The following SLC25A21 variants were observed in gnomAD, a reference collection of about 807,000 sequenced individuals.
SLC25A21 encodes the protein mitochondrial 2-oxodicarboxylate carrier.
In SLC25A21, 47 loss-of-function variants were observed where a neutral mutation model predicts 43.8. The observed-to-expected ratio is 1.07, with a 90% CI of 0.85 to 1.37. SLC25A21 has a LOEUF of 1.37. SLC25A21 is among the 40% of genes most tolerant of loss of function. The probability of loss-of-function intolerance (pLI) is 0.00; values close to 1 mark genes in which losing one functional copy is unlikely to be tolerated. For synonymous variants in SLC25A21, 131 were observed against 121.3 expected (o/e 1.08, Z -0.52); for missense variants, 352 against 350.2 (o/e 1.00, Z -0.04).
At chr14:36,690,572 G>A (rs1882754956) in intron 7 of SLC25A21, among the ~76,000 whole-genome samples, 2 of 152,204 alleles carry the variant, frequency 1.3e-5, no homozygotes, top group African/African-American at 4.8e-5. Context: ...TTTATTGGGT[G>A]TCTTTATATG....
At chr14:37,028,187 A>G (rs1961134346) in intron 1 of SLC25A21, among the ~76,000 whole-genome samples, 1 of 152,188 alleles carries the variant, frequency 6.6e-6, no homozygotes, top group Admixed American at 6.5e-5. Flanking sequence ...GCCCCAAAGA[A>G]GCCTATACTT....
At chr14:37,079,677 C>A (rs144234253) in intron 1 of SLC25A21, among the ~76,000 whole-genome samples, 131 of 152,310 alleles carry the variant, frequency 8.6e-4, no homozygotes, top group Non-Finnish European at 1.5e-3. Context: ...GTGCCTCCTG[C>A]TCAGACCAAA....
chr14:36,971,465 G>T (rs1203875194), intron 1 of SLC25A21, among the ~76,000 whole-genome samples: 5 of 152,106 alleles, frequency 3.3e-5, no homozygotes. Context: ...TGCATAATAA[G>T]ATTAGGGTGG....
At chr14:36,850,796 C>T (rs1006542303) in intron 2 of SLC25A21, among the ~76,000 whole-genome samples, 2 of 152,174 alleles carry the variant, frequency 1.3e-5, no homozygotes, top group Non-Finnish European at 2.9e-5. Flanking sequence ...AGGGATTCAG[C>T]ATCTATTTAA....
At chr14:37,096,634 C>G (rs945847563) in intron 1 of SLC25A21, among the ~76,000 whole-genome samples, 5 of 151,770 alleles carry the variant, frequency 3.3e-5, no homozygotes, top group Non-Finnish European at 5.9e-5. Flanking sequence ...TCTGCTTGAT[C>G]AGTTCTGTTT....
At chr14:37,165,979 T>C (rs1186794654) in intron 1 of SLC25A21, among the ~76,000 whole-genome samples, 2 of 152,178 alleles carry the variant, frequency 1.3e-5, no homozygotes, top group South Asian at 2.1e-4. Context: ...TGATGTCATA[T>C]GCAGGGGCTG....
intron 1 of SLC25A21, among the ~76,000 whole-genome samples, chr14:37,001,280 C>G (rs1290091954): frequency 6.6e-6 from 1 of 152,166 alleles, no homozygotes; most frequent in Non-Finnish European, 1.5e-5. Flanking sequence ...TAGCACTTGT[C>G]AAGTGCTTAT....
intron 3 of SLC25A21, among the ~76,000 whole-genome samples, chr14:36,737,701 G>A (rs771902188): frequency 5.3e-5 from 8 of 152,068 alleles, no homozygotes; most frequent in Non-Finnish European, 8.8e-5. Context: ...TATGATACAG[G>A]GTCAGTCTTG....
chr14:36,929,681 T>C (rs1892235060), intron 1 of SLC25A21, among the ~76,000 whole-genome samples: 1 of 152,076 alleles, frequency 6.6e-6, no homozygotes, highest in South Asian at 2.1e-4. Context: ...AAATAAAAAG[T>C]GGTCCTATAA....
intron 7 of SLC25A21, among the ~76,000 whole-genome samples, chr14:36,699,057 T>C (rs946902880): frequency 2.6e-5 from 4 of 152,180 alleles, no homozygotes; most frequent in Non-Finnish European, 5.9e-5. Context: ...TCTTTGTGGT[T>C]TTATCTGCTT....
intron 2 of SLC25A21, among the ~76,000 whole-genome samples, chr14:36,825,965 A>G (rs1299780183): frequency 6.6e-6 from 1 of 152,188 alleles, no homozygotes; most frequent in Non-Finnish European, 1.5e-5. Flanking sequence ...GTCACTCCCA[A>G]GTAATACCTT....
intron 2 of SLC25A21, among the ~76,000 whole-genome samples, chr14:36,850,433 T>G (rs17105506): frequency 0.054 from 8,201 of 152,038 alleles, 252 homozygotes; most frequent in African/African-American, 0.094. Context: ...AAGCTAAAAT[T>G]TTTTTTTATA....
chr14:37,109,815 G>C (rs1380390512), intron 1 of SLC25A21, among the ~76,000 whole-genome samples: 1 of 151,884 alleles, frequency 6.6e-6, no homozygotes, highest in Non-Finnish European at 1.5e-5. Flanking sequence ...GCCATACATT[G>C]ACCAATTCTT....
chr14:36,789,923 T>A (rs11851701), intron 3 of SLC25A21, among the ~76,000 whole-genome samples: 1 of 125,042 alleles, frequency 8.0e-6, no homozygotes, highest in Non-Finnish European at 1.6e-5. Flanking sequence ...TATTATATAT[T>A]TATATATTAT....
intron 1 of SLC25A21, among the ~76,000 whole-genome samples, chr14:37,061,348 G>A (rs1961944558): frequency 6.6e-6 from 1 of 152,128 alleles, no homozygotes; most frequent in Non-Finnish European, 1.5e-5. Context: ...CCTCTTTCTT[G>A]TAGACCACCC....
chr14:36,924,993 A>G (rs918987999), intron 1 of SLC25A21, among the ~76,000 whole-genome samples: 3 of 152,192 alleles, frequency 2.0e-5, no homozygotes, highest in African/African-American at 2.4e-5. Flanking sequence ...AGATTCTTAC[A>G]TAATATGGAA....
At chr14:36,752,199 ATTAGGACAG>A (rs1458706142) in intron 3 of SLC25A21, among the ~76,000 whole-genome samples, 1 of 152,220 alleles carries the variant, frequency 6.6e-6, no homozygotes, top group Non-Finnish European at 1.5e-5. Flanking sequence ...TTTTACCACT[ATTAGGACAG>A]TTATTACAAA....
intron 1 of SLC25A21, among the ~76,000 whole-genome samples, chr14:37,092,240 G>C (rs1258905874): frequency 6.6e-6 from 1 of 152,104 alleles, no homozygotes; most frequent in Admixed American, 6.5e-5. Flanking sequence ...AAGCCAAAAA[G>C]CCTTTCAAAT....
At chr14:36,954,348 C>T (rs1020606760) in intron 1 of SLC25A21, among the ~76,000 whole-genome samples, 4 of 152,026 alleles carry the variant, frequency 2.6e-5, no homozygotes, top group African/African-American at 9.7e-5. Flanking sequence ...GCATAATCCT[C>T]GTCTGCTAAA....
Sources: allele counts gnomAD v4.1 joint callset (sites outside exome capture counted in the v4.1 genomes callset), GRCh38; gene constraint gnomAD v4.1.1; transcripts MANE v1.5; gene names NCBI Gene and HGNC (gene_info 2026-07-23, HGNC 2026-07-21).